IPCEF1: variants seen among roughly 807,000 people sequenced by gnomAD.
IPCEF1 encodes interaction protein for cytohesin exchange factors 1, also known as interactor protein for cytohesin exchange factors 1.
Under a neutral mutation model 50.9 loss-of-function variants are expected in IPCEF1, and 31 were observed. That is an observed-to-expected ratio of 0.61 (90% confidence interval 0.46 to 0.82). IPCEF1 has a LOEUF of 0.82. Ranked by LOEUF, IPCEF1 falls within the 40% of genes least tolerant of loss-of-function variation. IPCEF1 has a pLI of 0.00. For synonymous variants in IPCEF1, 181 were observed against 192.0 expected, an observed-to-expected ratio of 0.94 and a Z score of 0.47; for missense variants, 458 against 514.0, an observed-to-expected ratio of 0.89 and a Z score of 1.05.
chr6:154,172,732 C>A (rs1264469333), intron 10 of IPCEF1, among the ~76,000 whole-genome samples: 1 of 152,264 alleles, frequency 6.6e-6, no homozygotes, highest in Non-Finnish European at 1.5e-5. Flanking sequence ...GGGGGCAGGG[C>A]ATATCTGAAC....
At chr6:154,302,557 C>G (rs1016430603) in intron 1 of IPCEF1, among the ~76,000 whole-genome samples, 1 of 152,112 alleles carries the variant, frequency 6.6e-6, no homozygotes. Flanking sequence ...TCACTGTAGC[C>G]TCAACATCCC....
intron 8 of IPCEF1, among the ~76,000 whole-genome samples, chr6:154,213,573 A>T (rs996716648): frequency 6.6e-6 from 1 of 152,180 alleles, no homozygotes; most frequent in South Asian, 2.1e-4. Context: ...TTTTGTTATC[A>T]GAAGATATAA....
At chr6:154,281,102 G>A (rs1782195428) in intron 2 of IPCEF1, among the ~76,000 whole-genome samples, 1 of 151,384 alleles carries the variant, frequency 6.6e-6, no homozygotes, top group Non-Finnish European at 1.5e-5. Context: ...CACTTTGGGA[G>A]GCCGAGGTGG....
intron 5 of IPCEF1, 45 bp downstream of exon 5, chr6:154,246,546 C>G (rs776006523): frequency 1.3e-6 from 2 of 1,567,850 alleles, no homozygotes; most frequent in Admixed American, 3.6e-5. Context: ...TTTAACGTAT[C>G]CCTCATTAAA....
rs577046604 is a variant in IPCEF1 at position 154,296,852 on chromosome 6, A to G, written c.-61-7096T>C. Among the ~76,000 whole-genome samples, 12 of 151,948 alleles carry G rather than the reference A, an allele frequency of 7.9e-5. No homozygotes were observed. In the East Asian group the frequency reaches 1.2e-3, roughly 15 times the overall value. On this transcript the variant is annotated intron_variant, in intron 1 of 11. Coordinates refer to ENST00000367220, the MANE Select transcript of IPCEF1 (RefSeq NM_001130700.2). ...TCAAAAAAAAAAAAAAAGAAAAAAA[A>G]AGAGAATATCATCCTCAACGGTTTT... is the stretch of plus-strand genomic sequence containing the variant.
intron 3 of IPCEF1, among the ~76,000 whole-genome samples, chr6:154,253,323 C>A (rs1407725618): frequency 6.6e-6 from 1 of 152,146 alleles, no homozygotes; most frequent in Non-Finnish European, 1.5e-5. Context: ...CAGGCACGAG[C>A]CACCACATCC....
chr6:154,333,723 GTATATATGTGTATGTA>G (rs982569060), intron 1 of IPCEF1, among the ~76,000 whole-genome samples: 5 of 151,324 alleles, frequency 3.3e-5, no homozygotes, highest in South Asian at 2.1e-4. Context: ...ATGTGTGTAT[GTATATATGTGTATGTA>G]TATATATGTG....
intron 1 of IPCEF1, among the ~76,000 whole-genome samples, chr6:154,333,593 CAT>C (rs989707630): frequency 2.7e-5 from 4 of 150,554 alleles, no homozygotes; most frequent in Non-Finnish European, 4.4e-5. Flanking sequence ...TATATATACA[CAT>C]ATATATGTAT....
At chr6:154,276,655 T>A (rs1782070712) in intron 2 of IPCEF1, among the ~76,000 whole-genome samples, 1 of 152,216 alleles carries the variant, frequency 6.6e-6, no homozygotes, top group African/African-American at 2.4e-5. Context: ...AGACTCCAGG[T>A]CCAGGGCCCT....
chr6:154,313,080 A>AAAAAAC (rs1554223582), intron 1 of IPCEF1, among the ~76,000 whole-genome samples: 1 of 149,710 alleles, frequency 6.7e-6, no homozygotes, highest in Non-Finnish European at 1.5e-5. Context: ...AAAAAAAAAA[A>AAAAAAC]AAAAAACATG....
intron 10 of IPCEF1, among the ~76,000 whole-genome samples, chr6:154,170,464 C>G (rs1385228232): frequency 6.6e-6 from 1 of 152,212 alleles, no homozygotes; most frequent in East Asian, 1.9e-4. Context: ...TTTCCCCTAT[C>G]CATCCCAGAA....
chr6:154,214,339 C>G (rs1778212337), intron 7 of IPCEF1, 63 bp from the exon 8 acceptor site: 1 of 1,092,662 alleles, frequency 9.2e-7, no homozygotes. Context: ...ATTCACCTTC[C>G]CCCAGAGTTT....
intron 11 of IPCEF1, among the ~76,000 whole-genome samples, chr6:154,163,866 G>T (rs1391787133): frequency 1.3e-5 from 2 of 152,188 alleles, no homozygotes; most frequent in Non-Finnish European, 2.9e-5. Context: ...ATAGAAGATA[G>T]ACATATAGAT....
At chr6:154,300,595 C>T (rs1782766121) in intron 1 of IPCEF1, among the ~76,000 whole-genome samples, 1 of 152,128 alleles carries the variant, frequency 6.6e-6, no homozygotes, top group Non-Finnish European at 1.5e-5. Context: ...GCCTGGGTGA[C>T]ACAGTAAGAC....
At chr6:154,274,750 C>T (rs1457368935) in intron 2 of IPCEF1, among the ~76,000 whole-genome samples, 1 of 152,220 alleles carries the variant, frequency 6.6e-6, no homozygotes, top group Non-Finnish European at 1.5e-5. Flanking sequence ...GGGCCACACC[C>T]TGGCCAATCC....
At chr6:154,162,364 G>C (rs142824272) in intron 11 of IPCEF1, among the ~76,000 whole-genome samples, 154 of 152,308 alleles carry the variant, frequency 1.0e-3, no homozygotes, top group African/African-American at 3.7e-3. Context: ...GGCCCATTCT[G>C]CATAGATTCA....
chr6:154,180,073 A>G (rs1165355879), intron 10 of IPCEF1, among the ~76,000 whole-genome samples: 1 of 152,198 alleles, frequency 6.6e-6, no homozygotes, highest in African/African-American at 2.4e-5. Flanking sequence ...TAGCACACTG[A>G]GATTTGTCCA....
chr6:154,246,935 C>A lies in IPCEF1; in HGVS notation c.77-175G>T, dbSNP rs202040568. Reference sequence around the variant, plus strand: ...ATGCAAAACCTATGCAAAACCAATGCAAAAAAAAAAAAAAAAAGCCATGTG... The same window carrying A: ...ATGCAAAACCTATGCAAAACCAATGAAAAAAAAAAAAAAAAAAGCCATGTG... On this transcript the variant is annotated intron_variant, in intron 4 of 11. Transcript: ENST00000367220. 1,926 of 251,392 alleles carry A rather than the reference C, an allele frequency of 7.7e-3. No homozygotes were observed. Among genetic ancestry groups the A allele is most frequent in the South Asian group, 0.018 (105 of 5,712 alleles). The allele number at this position is 251,392 out of a possible 1,614,324, so 15.6% of individuals were successfully genotyped here.
chr6:154,301,614 G>T (rs1231194593), intron 1 of IPCEF1, among the ~76,000 whole-genome samples: 1 of 152,066 alleles, frequency 6.6e-6, no homozygotes, highest in Non-Finnish European at 1.5e-5. Flanking sequence ...TATTCTTAAA[G>T]GTACACCTAT....
Sources: allele counts gnomAD v4.1 joint callset (sites outside exome capture counted in the v4.1 genomes callset), GRCh38; gene constraint gnomAD v4.1.1; transcripts MANE v1.5; gene names NCBI Gene and HGNC (gene_info 2026-07-23, HGNC 2026-07-21).